PTPRT: variants seen among roughly 807,000 people sequenced by gnomAD.
PTPRT encodes the protein protein tyrosine phosphatase receptor type T.
Under a neutral mutation model 176.8 loss-of-function variants are expected in PTPRT, and 56 were observed. The observed-to-expected ratio is 0.32, with a 90% CI of 0.26 to 0.40. PTPRT has a LOEUF of 0.40. PTPRT is among the 10% of genes least tolerant of loss of function. The pLI, the probability that PTPRT is intolerant of heterozygous loss-of-function variation, is 1.00. For synonymous variants in PTPRT, 783 were observed against 739.0 expected, an observed-to-expected ratio of 1.06 and a Z score of -0.96; for missense variants, 1,540 against 1,908.2, an observed-to-expected ratio of 0.81 and a Z score of 3.60.
intron 5 of PTPRT, among the ~76,000 whole-genome samples, chr20:42,756,954 G>A (rs752286481): frequency 1.3e-5 from 2 of 151,620 alleles, no homozygotes; most frequent in Non-Finnish European, 2.9e-5. Flanking sequence ...TGGAGGGTGA[G>A]GAAGGAGGAT....
At chr20:42,791,146 T>C (rs764898097) in intron 3 of PTPRT, 49 bp downstream of exon 3, 5 of 1,530,152 alleles carry the variant, frequency 3.3e-6, no homozygotes, top group African/African-American at 2.8e-5. Flanking sequence ...CAAAGGTGTA[T>C]AGATTTATTA....
At chr20:42,151,610 G>A (rs772226321) in intron 17 of PTPRT, among the ~76,000 whole-genome samples, 10 of 152,196 alleles carry the variant, frequency 6.6e-5, no homozygotes, top group Non-Finnish European at 1.5e-4. Context: ...GTAAACATAT[G>A]TGTGCATATG....
chr20:42,390,851 A>G (rs2058793540), intron 9 of PTPRT, among the ~76,000 whole-genome samples: 1 of 152,210 alleles, frequency 6.6e-6, no homozygotes, highest in Non-Finnish European at 1.5e-5. Context: ...AAATTTAACC[A>G]AAGAACAGGA....
At chr20:42,925,780 T>C (rs1480329957) in intron 1 of PTPRT, among the ~76,000 whole-genome samples, 1 of 152,198 alleles carries the variant, frequency 6.6e-6, no homozygotes, top group Non-Finnish European at 1.5e-5. Context: ...GGCAGATGCT[T>C]CTGGTCCAGG....
chr20:42,859,989 T>C (rs2078634216), intron 2 of PTPRT, among the ~76,000 whole-genome samples: 1 of 152,186 alleles, frequency 6.6e-6, no homozygotes. Flanking sequence ...ATCAGAAAAC[T>C]GTCCTGCTCC....
chr20:42,067,908 A>G (rs764065708), downstream of PTPRT, among the ~76,000 whole-genome samples: 2 of 152,186 alleles, frequency 1.3e-5, no homozygotes, highest in Non-Finnish European at 2.9e-5. Flanking sequence ...TTTTGGAAAT[A>G]TGATTCCAGG....
At chr20:42,175,265 AT>A (rs1486039540) in intron 16 of PTPRT, among the ~76,000 whole-genome samples, 16 of 152,010 alleles carry the variant, frequency 1.1e-4, no homozygotes, top group Admixed American at 1.0e-3. Context: ...GCTCTCACCA[AT>A]CTCATTTGCC....
At chr20:42,425,833 G>A (rs1447655096) in intron 9 of PTPRT, among the ~76,000 whole-genome samples, 1 of 152,180 alleles carries the variant, frequency 6.6e-6, no homozygotes, top group Non-Finnish European at 1.5e-5. Flanking sequence ...AACAGCCAGT[G>A]GATGAGAGAG....
chr20:42,665,385 A>T (rs1420039368), intron 7 of PTPRT, among the ~76,000 whole-genome samples: 3 of 152,178 alleles, frequency 2.0e-5, no homozygotes, highest in Non-Finnish European at 4.4e-5. Flanking sequence ...AATCAAAACC[A>T]CAATGAGATA....
chr20:42,600,753 C>T (rs2145788795), intron 7 of PTPRT, among the ~76,000 whole-genome samples: 1 of 152,218 alleles, frequency 6.6e-6, no homozygotes, highest in Admixed American at 6.5e-5. Flanking sequence ...ACAATTGCCT[C>T]CAGTTCCAAC....
chr20:42,969,552 C>T (rs1212588697), intron 1 of PTPRT: 1 of 152,284 alleles, frequency 6.6e-6, no homozygotes, highest in Non-Finnish European at 1.5e-5. Context: ...TAGGTAAAGA[C>T]GTTACTCCAC....
At chr20:42,481,188 T>C (rs1389210827) in intron 7 of PTPRT, among the ~76,000 whole-genome samples, 1 of 152,172 alleles carries the variant, frequency 6.6e-6, no homozygotes, top group Non-Finnish European at 1.5e-5. Context: ...AATAAATGTT[T>C]ATTTACAAAA....
At chr20:43,155,572 T>C (rs2146430023) in intron 1 of PTPRT, among the ~76,000 whole-genome samples, 1 of 152,256 alleles carries the variant, frequency 6.6e-6, no homozygotes, top group Middle Eastern at 3.4e-3. Context: ...AGATACATCA[T>C]TACAGTTAGG....
At chr20:42,756,719 T>A in intron 5 of PTPRT, 83 bp from the exon 6 acceptor site, 1 of 1,221,654 alleles carries the variant, frequency 8.2e-7, no homozygotes, top group Non-Finnish European at 1.1e-6. Context: ...TATCCACCCA[T>A]CCTCACACCC....
chr20:42,672,694 C>A (rs1029794183), intron 7 of PTPRT, among the ~76,000 whole-genome samples: 2 of 152,196 alleles, frequency 1.3e-5, no homozygotes, highest in Non-Finnish European at 2.9e-5. Context: ...CAGGCAAACA[C>A]TTGACAATCT....
intron 17 of PTPRT, among the ~76,000 whole-genome samples, chr20:42,153,791 G>T (rs1427409103): frequency 6.6e-6 from 1 of 152,164 alleles, no homozygotes; most frequent in African/African-American, 2.4e-5. Context: ...TACACTTGCA[G>T]CCAGCTACAG....
chr20:42,366,465 G>A (rs1255866014), intron 9 of PTPRT, among the ~76,000 whole-genome samples: 1 of 152,216 alleles, frequency 6.6e-6, no homozygotes, highest in Non-Finnish European at 1.5e-5. Flanking sequence ...CTGGCCAGTA[G>A]GGTCCATTTC....
intron 8 of PTPRT, among the ~76,000 whole-genome samples, chr20:42,458,834 T>C (rs1199794300): frequency 2.6e-5 from 4 of 152,232 alleles, no homozygotes; most frequent in Non-Finnish European, 4.4e-5. Flanking sequence ...ATAATGTATT[T>C]ATTGTGTCCT....
At chr20:42,468,141 C>G (rs1402173454) in intron 8 of PTPRT, among the ~76,000 whole-genome samples, 1 of 152,192 alleles carries the variant, frequency 6.6e-6, no homozygotes, top group Non-Finnish European at 1.5e-5. Context: ...CTTCGCAGGC[C>G]GTCAAATGCA....
Sources: gnomAD v4.1 joint callset for allele counts (sites outside exome capture counted in the v4.1 genomes callset) on GRCh38, gnomAD v4.1.1 for gene constraint, MANE v1.5 for transcripts, NCBI Gene and HGNC (gene_info 2026-07-23, HGNC 2026-07-21) for gene names.